The following ADCY3 variants were observed in gnomAD, a reference collection of about 807,000 sequenced individuals.
ADCY3 encodes adenylate cyclase 3.
A neutral mutation model predicts 119.4 loss-of-function variants in ADCY3; 70 were observed. That is an observed-to-expected ratio of 0.59 (90% CI 0.48 to 0.72). ADCY3 has a LOEUF of 0.72. Among genes scored for constraint, ADCY3 ranks in the 30% least tolerant of loss-of-function variants. The probability of loss-of-function intolerance (pLI) is 0.00; values close to 1 mark genes in which losing one functional copy is unlikely to be tolerated. For missense variants in ADCY3, 1,238 were observed against 1,541.6 expected, an observed-to-expected ratio of 0.80 and a Z score of 3.30; for synonymous variants, 672 against 621.4, an observed-to-expected ratio of 1.08 and a Z score of -1.21.
In ADCY3 at chr2:24,839,967, G is replaced by T; in HGVS notation, c.1261C>A (p.Leu421Met). The T allele has an allele frequency of 6.2e-7, 1 of 1,613,836 alleles. No homozygotes were observed. Among genetic ancestry groups the T allele is most frequent in the Admixed American group, 1.7e-5 (1 of 60,026 alleles). Residue 421 changes from leucine to methionine, a missense_variant, in exon 7 of 22, where the codon CTG becomes ATG. Around this residue, in one of 7 missense-constraint regions of ADCY3, gnomAD observed 283 missense variants for 437.2 expected, o/e 0.65. Coordinates refer to ENST00000679454, the MANE Select transcript of ADCY3 (RefSeq NM_004036.5). ...CGCTTCTGGCCCAGGACGCCCCCCA[G>T]CACGGTGCCCGTGTGCACCCCCACA... ...MRVGVHTGTV[L>M]GGVLGQKRWQ... is the part of the protein sequence containing the mutation.
chr2:24,909,606 A>G (rs72848498), intron 2 of ADCY3, among the ~76,000 whole-genome samples: 6,062 of 152,296 alleles, frequency 0.04, 374 homozygotes, highest in African/African-American at 0.14. Flanking sequence ...AATCTTAGAA[A>G]TGATGTATTG....
intron 3 of ADCY3, among the ~76,000 whole-genome samples, chr2:24,848,802 A>C (rs1403322338): frequency 1.3e-5 from 2 of 152,220 alleles, no homozygotes; most frequent in African/African-American, 4.8e-5. Flanking sequence ...TGGGCTTTGA[A>C]GTTGGCCAGA....
At chr2:24,826,279 C>G (rs963282486) in intron 15 of ADCY3, 153 bp from the exon 16 acceptor site, 78 of 650,892 alleles carry the variant, frequency 1.2e-4, no homozygotes, top group Non-Finnish European at 1.7e-4. Flanking sequence ...CGGGCTCCCC[C>G]GGGCAGTAAA....
At chr2:24,838,251 T>C (rs889767653) in intron 8 of ADCY3, among the ~76,000 whole-genome samples, 194 bp downstream of exon 8, 1 of 151,914 alleles carries the variant, frequency 6.6e-6, no homozygotes, top group East Asian at 1.9e-4. Context: ...CAACCTGCCA[T>C]GAATTACACT....
At chr2:24,846,858 TGTAA>T (rs1159741390) in intron 3 of ADCY3, among the ~76,000 whole-genome samples, 1 of 152,074 alleles carries the variant, frequency 6.6e-6, no homozygotes, top group Non-Finnish European at 1.5e-5. Context: ...GCATTACAGG[TGTAA>T]GCCATCATGT....
rs1671212780 is a variant in ADCY3 at position 24,842,910 on chromosome 2, T to C, written c.826-526A>G. Among the ~76,000 whole-genome samples, 1 of 152,130 alleles carries C rather than the reference T, an allele frequency of 6.6e-6. No individual in the cohort carries two copies. Among genetic ancestry groups the C allele is most frequent in the Non-Finnish European group, 1.5e-5 (1 of 68,014 alleles). Reference sequence around the variant, plus strand: ...GGTCTCACGGGGACACAGGTAACCATGCCCAGCACAGCGCAGCATGGCAAG... The same window carrying C: ...GGTCTCACGGGGACACAGGTAACCACGCCCAGCACAGCGCAGCATGGCAAG... On this transcript the variant is annotated intron_variant, in intron 3 of 21. Coordinates refer to ENST00000679454, the MANE Select transcript of ADCY3 (RefSeq NM_004036.5). The surrounding 1 kb of genome is among the most constrained non-coding windows in gnomAD (Gnocchi z 4.9).
At chr2:24,863,841 C>A (rs1398908298) in intron 3 of ADCY3, among the ~76,000 whole-genome samples, 1 of 152,190 alleles carries the variant, frequency 6.6e-6, no homozygotes, top group African/African-American at 2.4e-5. Context: ...GTCACTCCTG[C>A]CTTGAGGCTG....
At chr2:24,881,336 T>A (rs562188585) in intron 2 of ADCY3, among the ~76,000 whole-genome samples, 2 of 152,216 alleles carry the variant, frequency 1.3e-5, no homozygotes, top group Admixed American at 1.3e-4. Context: ...AGTTCTGGGC[T>A]GTTATGCAGC....
At chr2:24,858,500 TGA>T (rs1673272782) in intron 3 of ADCY3, among the ~76,000 whole-genome samples, 1 of 152,172 alleles carries the variant, frequency 6.6e-6, no homozygotes, top group South Asian at 2.1e-4. Flanking sequence ...AGCTGGTAAA[TGA>T]GAGATCTCAT....
intron 3 of ADCY3, among the ~76,000 whole-genome samples, chr2:24,864,709 G>A (rs1457307807): frequency 6.6e-6 from 1 of 152,224 alleles, no homozygotes; most frequent in Non-Finnish European, 1.5e-5. Flanking sequence ...GAGTCTGGGA[G>A]AATGGGCAGT....
At chr2:24,869,702 C>T (rs1433301159) in intron 3 of ADCY3, among the ~76,000 whole-genome samples, 2 of 152,134 alleles carry the variant, frequency 1.3e-5, no homozygotes, top group African/African-American at 4.8e-5. Context: ...ACCTGCCTGG[C>T]CACACCTACA....
intron 3 of ADCY3, among the ~76,000 whole-genome samples, chr2:24,852,285 T>C (rs1672399700): frequency 6.6e-6 from 1 of 152,182 alleles, no homozygotes; most frequent in African/African-American, 2.4e-5. Flanking sequence ...CCCCACGGCA[T>C]CTGATGTCCT....
chr2:24,867,132 G>A (rs1001503154), intron 3 of ADCY3, among the ~76,000 whole-genome samples: 1 of 152,152 alleles, frequency 6.6e-6, no homozygotes, highest in Non-Finnish European at 1.5e-5. Flanking sequence ...TAAAACTGCT[G>A]AGAACCAAAA....
intron 2 of ADCY3, among the ~76,000 whole-genome samples, chr2:24,915,023 C>G (rs1277194253): frequency 2.0e-5 from 3 of 152,344 alleles, no homozygotes; most frequent in Non-Finnish European, 4.4e-5. Context: ...AGGCTGCCAA[C>G]AGCCCCATGT....
chr2:24,887,241 A>C (rs1022108046), intron 2 of ADCY3, among the ~76,000 whole-genome samples: 11 of 152,178 alleles, frequency 7.2e-5, no homozygotes, highest in Non-Finnish European at 1.6e-4. Flanking sequence ...GAACTCACTC[A>C]CTATCACGAG....
At chr2:24,896,812 T>A (rs1051001710) in intron 2 of ADCY3, among the ~76,000 whole-genome samples, 2 of 152,182 alleles carry the variant, frequency 1.3e-5, no homozygotes, top group African/African-American at 4.8e-5. Context: ...TAGAACTTGG[T>A]GTCTCCAAAT....
intron 2 of ADCY3, among the ~76,000 whole-genome samples, chr2:24,915,685 C>T (rs1664363630): frequency 6.6e-6 from 1 of 152,128 alleles, no homozygotes; most frequent in Non-Finnish European, 1.5e-5. Flanking sequence ...GGATTATAAG[C>T]ACGCCCCATC....
Position 24,820,621 on chromosome 2 carries a change from T to G in ADCY3, c.3252+103A>C, listed in dbSNP as rs745459420. On this transcript the variant is annotated intron_variant, in intron 21 of 21. Coordinates refer to ENST00000679454, the MANE Select transcript of ADCY3 (RefSeq NM_004036.5). Reference sequence around the variant, plus strand: ...CCCACGTCTCTGCCTCTGGACTTACTGTTCAGGGCCAGGGTGGGAGGCAGG... The same window carrying G: ...CCCACGTCTCTGCCTCTGGACTTACGGTTCAGGGCCAGGGTGGGAGGCAGG... 565 of 1,546,770 alleles carry G rather than the reference T, an allele frequency of 3.7e-4. 1 individual carries two copies. Among genetic ancestry groups the G allele is most frequent in the Non-Finnish European group, 4.8e-4 (552 of 1,140,378 alleles).
At position 24,819,586 on chromosome 2, in the gene ADCY3, C is replaced by T. The variant is rs1437218838; in HGVS notation, c.*346G>A. 2 of 192,068 alleles carry T rather than the reference C, an allele frequency of 1.0e-5. No homozygotes were observed. Among genetic ancestry groups the T allele is most frequent in the Non-Finnish European group, 2.2e-5 (2 of 92,912 alleles). The allele number at this position is 192,068 out of a possible 1,614,324, so 11.9% of individuals were successfully genotyped here. ...TCCCCGCCTGTGCTCCCTCCACAGT[C>T]CCGGAAAGCCCAGCGGCAAAGGCAG... is the stretch of plus-strand genomic sequence containing the variant. On this transcript the variant is annotated 3_prime_UTR_variant, in exon 22 of 22. Coordinates refer to ENST00000679454, the MANE Select transcript of ADCY3 (RefSeq NM_004036.5).
Sources: gnomAD v4.1 joint callset for allele counts (sites outside exome capture counted in the v4.1 genomes callset) on GRCh38, gnomAD v4.1.1 for gene constraint, gnomAD v4.1.1 regional missense constraint, Gnocchi (gnomAD v3.1) non-coding constraint, MANE v1.5 for transcripts, NCBI Gene and HGNC (gene_info 2026-07-23, HGNC 2026-07-21) for gene names.